The following DGKB variants were observed in gnomAD, a reference collection of about 807,000 sequenced individuals.
DGKB encodes diacylglycerol kinase beta.
Under a neutral mutation model 114.3 loss-of-function variants are expected in DGKB, and 67 were observed. That is an observed-to-expected ratio of 0.59 (90% CI 0.48 to 0.72). The LOEUF (loss-of-function observed/expected upper bound fraction) is 0.72, where lower values mean the gene tolerates loss of function less well. Among genes scored for constraint, DGKB ranks in the 30% least tolerant of loss-of-function variants. The probability of loss-of-function intolerance (pLI) is 0.00; values close to 1 mark genes in which losing one functional copy is unlikely to be tolerated. For synonymous variants in DGKB, 398 were observed against 323.1 expected, an observed-to-expected ratio of 1.23 and a Z score of -2.49; for missense variants, 907 against 975.2, an observed-to-expected ratio of 0.93 and a Z score of 0.93.
chr7:14,540,142 T>C (rs1041286134), intron 20 of DGKB, among the ~76,000 whole-genome samples: 1 of 152,062 alleles, frequency 6.6e-6, no homozygotes, highest in African/African-American at 2.4e-5. Flanking sequence ...ATCAATAGTA[T>C]CATTTAATAA....
intron 1 of DGKB, among the ~76,000 whole-genome samples, chr7:14,897,792 T>C (rs1214031679): frequency 1.3e-5 from 2 of 151,980 alleles, no homozygotes; most frequent in African/African-American, 4.8e-5. Context: ...TCAGACATCA[T>C]AGTTTTTATT....
chr7:14,585,133 T>C (rs1446212504), intron 17 of DGKB, among the ~76,000 whole-genome samples: 2 of 152,142 alleles, frequency 1.3e-5, no homozygotes, highest in Non-Finnish European at 2.9e-5. Flanking sequence ...CATGGATATT[T>C]AGAACAGGAA....
intron 20 of DGKB, among the ~76,000 whole-genome samples, chr7:14,508,461 G>C (rs12674120): frequency 6.6e-6 from 1 of 152,120 alleles, no homozygotes; most frequent in Non-Finnish European, 1.5e-5. Flanking sequence ...TTGCCACTTA[G>C]GTTAAGCTAT....
intron 1 of DGKB, among the ~76,000 whole-genome samples, chr7:14,879,257 C>A (rs913144960): frequency 3.3e-5 from 5 of 151,744 alleles, no homozygotes; most frequent in Non-Finnish European, 5.9e-5. Flanking sequence ...TGTTTAGATT[C>A]CTGATTTGTC....
intron 17 of DGKB, among the ~76,000 whole-genome samples, chr7:14,601,517 C>A (rs1803545210): frequency 6.6e-6 from 1 of 152,070 alleles, no homozygotes; most frequent in African/African-American, 2.4e-5. Flanking sequence ...ACCAATTGGC[C>A]AGTCTGAGAA....
At chr7:14,469,101 CT>C (rs1388314979) in intron 21 of DGKB, among the ~76,000 whole-genome samples, 2 of 151,948 alleles carry the variant, frequency 1.3e-5, no homozygotes, top group African/African-American at 4.8e-5. Flanking sequence ...CAATGGTCAC[CT>C]TAATTTGGGA....
In DGKB at chr7:14,383,433, T is replaced by G. The variant is rs975100719; in HGVS notation, c.1836-38042A>C. On this transcript the variant is annotated intron_variant, in intron 21 of 25. Transcript: ENST00000402815. ...CATATATCATGAAGTCCAAATCATT[T>G]TAGCTTAAAGAAAACAGACGTCTAT... Among the ~76,000 whole-genome samples, 4 of 152,230 alleles carry G rather than the reference T, an allele frequency of 2.6e-5. No homozygotes were observed. The East Asian group carries it at 7.7e-4, about 29-fold the overall frequency.
chr7:14,755,353 C>T (rs1350899401), intron 3 of DGKB, among the ~76,000 whole-genome samples: 2 of 152,118 alleles, frequency 1.3e-5, no homozygotes, highest in African/African-American at 4.8e-5. Context: ...CAAAATAGTA[C>T]ATCTACGATT....
intron 23 of DGKB, among the ~76,000 whole-genome samples, chr7:14,240,755 CAGTTGTTG>C (rs1194465370): frequency 2.0e-5 from 3 of 152,206 alleles, no homozygotes; most frequent in African/African-American, 7.2e-5. Context: ...TGCTGTCTTT[CAGTTGTTG>C]AGTAATCAAC....
intron 23 of DGKB, among the ~76,000 whole-genome samples, chr7:14,229,383 C>T (rs1791361350): frequency 6.6e-6 from 1 of 151,878 alleles, no homozygotes; most frequent in African/African-American, 2.4e-5. Context: ...TTACTGAATA[C>T]TGTAGGCAAT....
chr7:14,932,697 C>T (rs189393852), intron 1 of DGKB, among the ~76,000 whole-genome samples: 143 of 152,122 alleles, frequency 9.4e-4, no homozygotes, highest in Middle Eastern at 6.8e-3. Context: ...GTATTAATAA[C>T]GCAAAACAAT....
intron 17 of DGKB, among the ~76,000 whole-genome samples, chr7:14,605,305 A>G (rs1227461250): frequency 1.3e-5 from 2 of 150,656 alleles, no homozygotes; most frequent in African/African-American, 4.9e-5. Flanking sequence ...TATAAAATCT[A>G]TATTCTGTTA....
intron 21 of DGKB, among the ~76,000 whole-genome samples, chr7:14,462,489 C>T (rs949900098): frequency 5.3e-5 from 8 of 152,130 alleles, no homozygotes; most frequent in African/African-American, 1.4e-4. Context: ...CATGAGTGAA[C>T]TCCCATTCAC....
At chr7:14,335,858 A>T (rs1176160711) in intron 23 of DGKB, among the ~76,000 whole-genome samples, 2 of 152,016 alleles carry the variant, frequency 1.3e-5, no homozygotes, top group South Asian at 2.1e-4. Context: ...AGGTCAAGGG[A>T]TTGTCCCTCC....
At chr7:14,627,418 G>C (rs1808783708) in intron 14 of DGKB, among the ~76,000 whole-genome samples, 1 of 151,982 alleles carries the variant, frequency 6.6e-6, no homozygotes, top group South Asian at 2.1e-4. Context: ...TTTTCTCCTA[G>C]GATGATTTTA....
At position 14,487,921 on chromosome 7, in the gene DGKB, C is replaced by A. The variant is rs555173142; in HGVS notation, c.1771-9696G>T. ...GAGGCAATGTGCCTGGCAAAAATGA[C>A]CTTTGACAAATCAATTATTATTGGA... On this transcript the variant is annotated intron_variant, in intron 20 of 25. Transcript: ENST00000402815. 3.3e-5 allele frequency among the ~76,000 whole-genome samples: 5 copies of A among 151,972 alleles called. No homozygotes were observed. The East Asian group carries it at 9.7e-4, about 29-fold the overall frequency.
chr7:14,960,861 T>C (rs1256765425), intron 1 of DGKB, among the ~76,000 whole-genome samples: 1 of 152,140 alleles, frequency 6.6e-6, no homozygotes, highest in Non-Finnish European at 1.5e-5. Context: ...CAAATATTTC[T>C]CTTGTCAAAT....
intron 21 of DGKB, among the ~76,000 whole-genome samples, chr7:14,348,771 A>C (rs938833362): frequency 5.9e-5 from 9 of 151,842 alleles, no homozygotes; most frequent in African/African-American, 9.7e-5. Context: ...TTTTATCTCA[A>C]GAGTCCTGCA....
chr7:14,412,400 CA>C (rs1275839199), intron 21 of DGKB, among the ~76,000 whole-genome samples: 2 of 152,124 alleles, frequency 1.3e-5, no homozygotes, highest in African/African-American at 2.4e-5. Flanking sequence ...CTTTTGAAAG[CA>C]GGTCAGAATT....
Sources: gnomAD v4.1 joint callset for allele counts (sites outside exome capture counted in the v4.1 genomes callset) on GRCh38, gnomAD v4.1.1 for gene constraint, MANE v1.5 for transcripts, NCBI Gene and HGNC (gene_info 2026-07-23, HGNC 2026-07-21) for gene names.